The following MYLK variants were observed in gnomAD, a reference collection of about 807,000 sequenced individuals.
The protein encoded by MYLK is myosin light chain kinase, smooth muscle.
In MYLK, 106 loss-of-function variants were observed where a neutral mutation model predicts 203.4. The observed-to-expected ratio is 0.52, with a 90% CI of 0.45 to 0.61. MYLK has a LOEUF of 0.61. Among genes scored for constraint, MYLK ranks in the 20% least tolerant of loss-of-function variants. MYLK has a pLI of 0.00. For missense variants in MYLK, 2,072 were observed against 2,442.3 expected (o/e 0.85, Z 3.20); for synonymous variants, 867 against 959.5 (o/e 0.90, Z 1.78).
chr3:123,804,545 C>A (rs974773693), intron 3 of MYLK, among the ~76,000 whole-genome samples: 15 of 152,180 alleles, frequency 9.9e-5, no homozygotes, highest in African/African-American at 3.6e-4. Flanking sequence ...GGTTCTCTAC[C>A]TGCAGACTGT....
In MYLK at chr3:123,857,484, C is replaced by A. The variant is rs955090505; in HGVS notation, c.-127+19075G>T. ...ATGCAGCCATAAAAAATAATGAGTT[C>A]ATGTCCTTTGCAGGGACATGGATGA... On this transcript the variant is annotated intron_variant, in intron 2 of 33. Coordinates refer to ENST00000360304, the MANE Select transcript of MYLK (RefSeq NM_053025.4). 1.5e-4 allele frequency among the ~76,000 whole-genome samples: 23 copies of A among 151,988 alleles called. 1 individual carries two copies. Among genetic ancestry groups the A allele is most frequent in the Non-Finnish European group, 2.9e-4 (20 of 68,026 alleles).
chr3:123,866,263 T>C (rs1037231694), intron 2 of MYLK, among the ~76,000 whole-genome samples: 2 of 152,182 alleles, frequency 1.3e-5, no homozygotes, highest in Non-Finnish European at 2.9e-5. Flanking sequence ...GTGCTACTTA[T>C]GGCAGGACCC....
chr3:123,761,440 C>T (rs765170504), intron 4 of MYLK, among the ~76,000 whole-genome samples: 1 of 152,184 alleles, frequency 6.6e-6, no homozygotes, highest in Non-Finnish European at 1.5e-5. Flanking sequence ...CTCTGAGGGA[C>T]GGAGTGGAGC....
At chr3:123,861,989 C>CA (rs1200605982) in intron 2 of MYLK, among the ~76,000 whole-genome samples, 5 of 152,178 alleles carry the variant, frequency 3.3e-5, no homozygotes, top group Non-Finnish European at 1.5e-5. Flanking sequence ...TCTGTTCACT[C>CA]AGAGCAGAAG....
intron 3 of MYLK, among the ~76,000 whole-genome samples, chr3:123,823,347 C>T (rs567064368): frequency 1.3e-5 from 2 of 152,298 alleles, no homozygotes; most frequent in South Asian, 2.1e-4. Flanking sequence ...CTCCAGATCT[C>T]GACTGGCTTA....
chr3:123,680,261 C>T (rs1331655936), intron 20 of MYLK, among the ~76,000 whole-genome samples: 1 of 152,186 alleles, frequency 6.6e-6, no homozygotes, highest in Non-Finnish European at 1.5e-5. Context: ...CGGCTCTGAC[C>T]CCATCTCACC....
At chr3:123,646,110 T>G (rs1220317141) in intron 27 of MYLK, among the ~76,000 whole-genome samples, 1 of 152,038 alleles carries the variant, frequency 6.6e-6, no homozygotes, top group Admixed American at 6.6e-5. Context: ...GGCGACAGAG[T>G]GAGACTCTGT....
chr3:123,797,661 C>T (rs1019937385), intron 3 of MYLK, among the ~76,000 whole-genome samples: 3 of 152,114 alleles, frequency 2.0e-5, no homozygotes, highest in Non-Finnish European at 2.9e-5. Context: ...GCCACAAACC[C>T]GGGGACACGG....
chr3:123,631,933 G>A (rs549888380), intron 29 of MYLK, among the ~76,000 whole-genome samples: 2 of 150,992 alleles, frequency 1.3e-5, no homozygotes, highest in Non-Finnish European at 2.9e-5. Context: ...GCAGTGGTGC[G>A]ATCTCTGCTC....
chr3:123,692,443 C>A (rs1350962489), intron 19 of MYLK: 28 of 1,212,946 alleles, frequency 2.3e-5, no homozygotes, highest in Non-Finnish European at 2.7e-5. Flanking sequence ...CTGCCCAGTG[C>A]CCCAGCTTCC....
intron 13 of MYLK, among the ~76,000 whole-genome samples, chr3:123,714,467 G>T (rs1412028070): frequency 6.6e-6 from 1 of 152,122 alleles, no homozygotes; most frequent in African/African-American, 2.4e-5. Flanking sequence ...TGAGGCAAGA[G>T]GCCCCCAGTG....
intron 19 of MYLK, among the ~76,000 whole-genome samples, chr3:123,685,331 G>A (rs904866052): frequency 3.3e-5 from 5 of 152,162 alleles, no homozygotes; most frequent in African/African-American, 4.8e-5. Context: ...GGTGGCTCAC[G>A]CCTGTAATCC....
chr3:123,638,370 C>T (rs1298087043), intron 28 of MYLK, among the ~76,000 whole-genome samples, 176 bp from the exon 29 acceptor site: 3 of 152,096 alleles, frequency 2.0e-5, no homozygotes, highest in Non-Finnish European at 4.4e-5. Flanking sequence ...CGTCAACACA[C>T]CAGTGAAACC....
At chr3:123,818,182 A>G (rs2065809855) in intron 3 of MYLK, among the ~76,000 whole-genome samples, 1 of 152,144 alleles carries the variant, frequency 6.6e-6, no homozygotes, top group Admixed American at 6.5e-5. Context: ...CCGTAAATGG[A>G]CCCAATTCTG....
chr3:123,740,245 A>G (rs2108821891), intron 5 of MYLK, among the ~76,000 whole-genome samples: 1 of 18,750 alleles, frequency 5.3e-5, no homozygotes, highest in East Asian at 0.25. Flanking sequence ...GAGAAATAAG[A>G]TTCAGAGAAG....
At chr3:123,813,592 C>T (rs183295615) in intron 3 of MYLK, among the ~76,000 whole-genome samples, 1 of 152,090 alleles carries the variant, frequency 6.6e-6, no homozygotes, top group Non-Finnish European at 1.5e-5. Context: ...CTCACTGCAA[C>T]CTCTGCCTCC....
chr3:123,785,642 T>G (rs1324340775), intron 4 of MYLK, among the ~76,000 whole-genome samples: 1 of 152,240 alleles, frequency 6.6e-6, no homozygotes, highest in Non-Finnish European at 1.5e-5. Flanking sequence ...ATCTTCTAGC[T>G]GTGGGTTAGT....
At chr3:123,696,509 C>T (rs1003817020) in intron 18 of MYLK, among the ~76,000 whole-genome samples, 3 of 152,154 alleles carry the variant, frequency 2.0e-5, no homozygotes, top group African/African-American at 4.8e-5. Context: ...CTCCAACCAC[C>T]GGCTTCCTTA....
intron 1 of MYLK, among the ~76,000 whole-genome samples, chr3:123,883,378 C>A (rs2033664445): frequency 6.6e-6 from 1 of 152,146 alleles, no homozygotes; most frequent in Admixed American, 6.5e-5. Context: ...TCTAGTAGAG[C>A]TGGGTCTTCT....
Sources: gnomAD v4.1 joint callset for allele counts (sites outside exome capture counted in the v4.1 genomes callset) on GRCh38, gnomAD v4.1.1 for gene constraint, MANE v1.5 for transcripts, NCBI Gene and HGNC (gene_info 2026-07-23, HGNC 2026-07-21) for gene names.